Variants in PCDH9 observed in about 807,000 individuals in gnomAD.
PCDH9 encodes the protein protocadherin-9.
In PCDH9, 24 loss-of-function variants were observed where a neutral mutation model predicts 70.6. That is an observed-to-expected ratio of 0.34 (90% CI 0.25 to 0.48). The LOEUF (loss-of-function observed/expected upper bound fraction) is 0.48, where lower values mean the gene tolerates loss of function less well. PCDH9 is among the 20% of genes least tolerant of loss of function. The pLI, the probability that PCDH9 is intolerant of heterozygous loss-of-function variation, is 0.99. For synonymous variants in PCDH9, 562 were observed against 558.5 expected (o/e 1.01, Z -0.09); for missense variants, 1,281 against 1,503.6 (o/e 0.85, Z 2.45).
At chr13:66,322,356 T>A (rs1344758611) in intron 4 of PCDH9, among the ~76,000 whole-genome samples, 1 of 151,972 alleles carries the variant, frequency 6.6e-6, no homozygotes. Context: ...GCTCAGTTTC[T>A]CATACGTTGT....
intron 4 of PCDH9, among the ~76,000 whole-genome samples, chr13:66,376,825 C>T (rs2138230658): frequency 6.6e-6 from 1 of 152,174 alleles, no homozygotes; most frequent in South Asian, 2.1e-4. Flanking sequence ...TCTGGCAATA[C>T]ATTAAAAAAG....
intron 4 of PCDH9, among the ~76,000 whole-genome samples, chr13:66,414,749 T>C (rs948738205): frequency 1.3e-5 from 2 of 152,234 alleles, no homozygotes; most frequent in African/African-American, 4.8e-5. Flanking sequence ...AATAATTTGT[T>C]GTCAGCTTTG....
At chr13:66,349,348 T>A (rs1483261666) in intron 4 of PCDH9, among the ~76,000 whole-genome samples, 3 of 152,220 alleles carry the variant, frequency 2.0e-5, no homozygotes, top group African/African-American at 7.2e-5. Context: ...TCGGTTTCTA[T>A]TATCTCCTTG....
chr13:66,352,143 T>G (rs1195955565), intron 4 of PCDH9, among the ~76,000 whole-genome samples: 1 of 152,170 alleles, frequency 6.6e-6, no homozygotes, highest in African/African-American at 2.4e-5. Flanking sequence ...GCCTACACAT[T>G]CATTTCTTAT....
chr13:67,134,214 C>G (rs984382818), intron 2 of PCDH9, among the ~76,000 whole-genome samples: 2 of 152,020 alleles, frequency 1.3e-5, no homozygotes, highest in Non-Finnish European at 2.9e-5. Flanking sequence ...GTATCCTGTT[C>G]TTTTCTCATG....
chr13:67,046,191 C>A lies in PCDH9; in HGVS notation c.3037-142586G>T, dbSNP rs2085218590. On this transcript the variant is annotated intron_variant, in intron 2 of 4. Coordinates refer to ENST00000377865, the MANE Select transcript of PCDH9 (RefSeq NM_203487.3). ...GGTACCCTGCTAGCTATGTGGGCTTCTCCAGCAGTTATAAAAATGTTGCCA... is the reference window on the plus strand; with the variant it reads ...GGTACCCTGCTAGCTATGTGGGCTTATCCAGCAGTTATAAAAATGTTGCCA... Among the ~76,000 whole-genome samples, 3 of 152,136 alleles carry A rather than the reference C, an allele frequency of 2.0e-5. No homozygotes were observed. The South Asian group carries it at 6.2e-4, about 31-fold the overall frequency.
chr13:66,993,781 T>C (rs1244847427), intron 2 of PCDH9, among the ~76,000 whole-genome samples: 1 of 152,134 alleles, frequency 6.6e-6, no homozygotes, highest in Non-Finnish European at 1.5e-5. Context: ...TTCAATGGCT[T>C]GAGATAAATG....
intron 3 of PCDH9, among the ~76,000 whole-genome samples, chr13:66,814,904 C>T (rs913169943): frequency 3.9e-5 from 6 of 152,020 alleles, no homozygotes; most frequent in African/African-American, 1.4e-4. Context: ...CAAAAATTAA[C>T]AAATGAAACC....
intron 4 of PCDH9, among the ~76,000 whole-genome samples, chr13:66,307,016 G>T (rs142678237): frequency 1.3e-5 from 2 of 151,992 alleles, no homozygotes; most frequent in African/African-American, 4.8e-5. Context: ...TTTAATTACT[G>T]ACCTCTTCAA....
At position 67,227,074 on chromosome 13, in the gene PCDH9, C is replaced by T. The variant is rs375678760; in HGVS notation, c.1367G>A (p.Arg456Lys). The T allele has an allele frequency of 2.5e-6, 4 of 1,614,120 alleles. No homozygotes were observed. The highest frequency in any genetic ancestry group is 3.4e-6 in the Non-Finnish European group (4 of 1,180,008). ...GTCATTTTCATCCTCAAGCTTAACC[C>T]TTACCAGGGCAGTCTGATTTAAACT... ...KPSLNQTALV[R>K]VKLEDENDNP... Residue 456 changes from arginine to lysine, a missense_variant, in exon 2 of 5, where the codon AGG (arginine) becomes AAG (lysine). Coordinates refer to ENST00000377865, the MANE Select transcript of PCDH9 (RefSeq NM_203487.3). The surrounding 1 kb of genome is among the most constrained non-coding windows in gnomAD (Gnocchi z 4.6).
At chr13:67,188,518 G>T (rs1002759091) in intron 2 of PCDH9, among the ~76,000 whole-genome samples, 2 of 151,898 alleles carry the variant, frequency 1.3e-5, no homozygotes, top group African/African-American at 4.8e-5. Flanking sequence ...TTTACTAATA[G>T]AAATTTTCTG....
chr13:67,023,731 G>C (rs956511819), intron 2 of PCDH9, among the ~76,000 whole-genome samples: 1 of 152,072 alleles, frequency 6.6e-6, no homozygotes, highest in African/African-American at 2.4e-5. Context: ...ACCACAGGTT[G>C]TTGCCATGAC....
intron 2 of PCDH9, among the ~76,000 whole-genome samples, chr13:66,966,054 C>T (rs1347056130): frequency 6.6e-6 from 1 of 152,018 alleles, no homozygotes; most frequent in African/African-American, 2.4e-5. Context: ...AGCTGAATTG[C>T]ATGCCATATT....
Position 66,646,922 on chromosome 13 carries a change from C to T in PCDH9, c.3139-15511G>A, listed in dbSNP as rs1566479366. On this transcript the variant is annotated intron_variant, in intron 3 of 4. Transcript: ENST00000377865. The stretch of plus-strand genomic sequence containing the variant: ...GAGGGAGAGCGCAGTGATTGTGAGA[C>T]TTTGCATTGGAACTCGGTGCTGCCC... 3.9e-5 allele frequency among the ~76,000 whole-genome samples: 6 copies of T among 152,124 alleles called. No homozygotes were observed. The South Asian group carries it at 1.2e-3, about 32-fold the overall frequency.
At chr13:66,470,573 G>A (rs960009675) in intron 4 of PCDH9, among the ~76,000 whole-genome samples, 1 of 151,890 alleles carries the variant, frequency 6.6e-6, no homozygotes, top group East Asian at 1.9e-4. Context: ...TCTAAGCAGG[G>A]CTTCACTGAA....
chr13:66,547,905 A>G (rs1593656973), intron 4 of PCDH9, among the ~76,000 whole-genome samples: 1 of 81,586 alleles, frequency 1.2e-5, no homozygotes, highest in African/African-American at 3.9e-5. Context: ...ATTATTATAT[A>G]ATAATATATT....
chr13:66,971,690 C>T (rs186793010), intron 2 of PCDH9, among the ~76,000 whole-genome samples: 2 of 152,022 alleles, frequency 1.3e-5, no homozygotes, highest in East Asian at 3.9e-4. Flanking sequence ...TTCCATCCTT[C>T]AGAGGTATCC....
intron 4 of PCDH9, among the ~76,000 whole-genome samples, chr13:66,379,444 T>C (rs1442042192): frequency 1.3e-5 from 2 of 152,228 alleles, no homozygotes; most frequent in Non-Finnish European, 2.9e-5. Context: ...CACTCATTAC[T>C]TTCCATCACT....
chr13:66,660,127 T>C (rs2077988873), intron 3 of PCDH9, among the ~76,000 whole-genome samples: 1 of 152,160 alleles, frequency 6.6e-6, no homozygotes. Context: ...CTGCTGGGGC[T>C]TGAGGTATGG....
Sources: allele counts gnomAD v4.1 joint callset (sites outside exome capture counted in the v4.1 genomes callset), GRCh38; gene constraint gnomAD v4.1.1; non-coding constraint Gnocchi (gnomAD v3.1); transcripts MANE v1.5; gene names NCBI Gene and HGNC (gene_info 2026-07-23, HGNC 2026-07-21).